Variants in RPF2 observed in about 807,000 individuals in gnomAD.
The protein encoded by RPF2 is ribosome production factor 2 homolog, also known as brix domain containing 1.
A neutral mutation model predicts 38.9 loss-of-function variants in RPF2; 21 were observed. The ratio of observed to expected loss-of-function variants is 0.54; its 90% CI spans 0.38 to 0.78. RPF2 has a LOEUF of 0.78. Ranked by LOEUF, RPF2 falls within the 30% of genes least tolerant of loss-of-function variation. The pLI, the probability that RPF2 is intolerant of heterozygous loss-of-function variation, is 0.00. For missense variants in RPF2, 314 were observed against 358.1 expected, an observed-to-expected ratio of 0.88 and a Z score of 0.99; for synonymous variants, 121 against 126.2, an observed-to-expected ratio of 0.96 and a Z score of 0.28.
chr6:110,998,152 G>C (rs1312792819), intron 5 of RPF2, among the ~76,000 whole-genome samples: 1 of 152,040 alleles, frequency 6.6e-6, no homozygotes, highest in Non-Finnish European at 1.5e-5. Flanking sequence ...TGATCCACCC[G>C]CCTTGGCCTC....
chr6:111,006,380 G>A (rs1158723574), intron 6 of RPF2, among the ~76,000 whole-genome samples: 4 of 151,576 alleles, frequency 2.6e-5, no homozygotes, highest in South Asian at 2.1e-4. Context: ...GACTACAGGC[G>A]TGTACCACCA....
At chr6:111,012,157 A>C (rs1583271661) in intron 7 of RPF2, among the ~76,000 whole-genome samples, 1 of 136,580 alleles carries the variant, frequency 7.3e-6, no homozygotes, top group Admixed American at 7.3e-5. Context: ...TAATTTGTTT[A>C]CATCATTTTT....
intron 7 of RPF2, 67 bp from the exon 8 acceptor site, chr6:111,015,687 A>C (rs1772095327): frequency 4.7e-6 from 5 of 1,063,056 alleles, no homozygotes; most frequent in Non-Finnish European, 7.3e-6. Context: ...TTTAGAGTGC[A>C]GTTCTTTGTA....
At chr6:111,016,009 T>C (rs906132727) in intron 8 of RPF2, among the ~76,000 whole-genome samples, 153 bp downstream of exon 8, 4 of 152,196 alleles carry the variant, frequency 2.6e-5, no homozygotes, top group African/African-American at 9.6e-5. Flanking sequence ...TCTGTGCTGA[T>C]CCTCAGTCCT....
intron 3 of RPF2, among the ~76,000 whole-genome samples, chr6:110,991,285 C>T (rs891433378): frequency 6.6e-6 from 1 of 151,244 alleles, no homozygotes; most frequent in African/African-American, 2.4e-5. Context: ...GTTCCTTTTT[C>T]TTTTTATTTC....
Position 111,027,035 on chromosome 6 carries a change from G to A in RPF2, c.*1453G>A, listed in dbSNP as rs113591694. On this transcript the variant is annotated 3_prime_UTR_variant, in exon 10 of 10. Transcript: ENST00000441448. ...TGGGATTACAGGCACCCACCACCAC[G>A]CCTGGCTGATTTTTTGTAGAGACAG... is the stretch of plus-strand genomic sequence containing the variant. 0.032 allele frequency: 4,918 copies of A among 152,170 alleles called. 111 individuals are homozygous for A. The highest frequency in any genetic ancestry group is 0.058 in the Middle Eastern group (17 of 294). 9.4% of individuals were successfully genotyped at this position (152,170 alleles called of 1,614,324 possible). A position where few individuals can be genotyped will look rare whatever the true frequency, so the allele number is the denominator to read the frequency against.
At position 111,015,846 on chromosome 6, in the gene RPF2, C is replaced by G; in HGVS notation, c.586C>G (p.Arg196Gly). The change falls in exon 8 of 10, where the codon CGA (arginine) becomes GGA (glycine). Residue 196 changes from arginine to glycine, a missense_variant. Physicochemically the swap from Arg to Gly is moderately radical, Grantham distance 125. Coordinates refer to ENST00000441448, the MANE Select transcript of RPF2 (RefSeq NM_032194.3). ...FTALNGKIYF[R>G]SYKLLLKKSG... ...TGCACTGAATGGGAAGATTTACTTT[C>G]GAAGCTATAAGTAAGTGCATTTCTT... The G allele has an allele frequency of 1.2e-6, 2 of 1,600,962 alleles. No homozygotes were observed. Among genetic ancestry groups the G allele is most frequent in the Non-Finnish European group, 1.7e-6 (2 of 1,168,146 alleles).
At chr6:111,002,243 G>A (rs374941139) in intron 6 of RPF2, among the ~76,000 whole-genome samples, 37 of 152,332 alleles carry the variant, frequency 2.4e-4, no homozygotes, top group African/African-American at 8.9e-4. Context: ...TCATGCCACT[G>A]CACTCCAGCC....
intron 3 of RPF2, among the ~76,000 whole-genome samples, chr6:110,991,390 G>A (rs1353104315): frequency 6.8e-6 from 1 of 146,680 alleles, no homozygotes; most frequent in African/African-American, 2.5e-5. Flanking sequence ...TGTGCTCGGC[G>A]CCCCCTGCTT....
At position 110,999,767 on chromosome 6, in the gene RPF2, G is replaced by C. The variant is rs564455332; in HGVS notation, c.373G>C (p.Val125Leu). The C allele has an allele frequency of 1.3e-6, 2 of 1,589,694 alleles. No homozygotes were observed. The highest frequency in any genetic ancestry group is 3.3e-5 in the Admixed American group (2 of 59,940). ...DMIELGIENFVSLKDIKNSKC... is the reference protein window; with the variant it reads ...DMIELGIENFLSLKDIKNSKC... The stretch of plus-strand genomic sequence containing the variant: ...GATTGAATTAGGTATTGAGAATTTT[G>C]TCTCTCTAAAAGACATTAAGGTAAG... Residue 125 changes from valine to leucine, a missense_variant, in exon 6 of 10, where the codon GTC (valine) becomes CTC (leucine). Transcript: ENST00000441448.
At chr6:111,003,086 C>A (rs1007912052) in intron 6 of RPF2, among the ~76,000 whole-genome samples, 4 of 145,652 alleles carry the variant, frequency 2.7e-5, no homozygotes, top group East Asian at 2.1e-4. Flanking sequence ...TTTACCCCCC[C>A]CCCTTTTTTT....
rs1207721666 is a variant in RPF2, at chr6:111,027,542, C to T, written c.*1960C>T. On this transcript the variant is annotated 3_prime_UTR_variant, in exon 10 of 10. Transcript: ENST00000441448. The stretch of plus-strand genomic sequence containing the variant: ...AGCAGTGGGTCCTCCTCACCAGCCG[C>T]TTACGGGACCCTGCCATGCCTGGAC... 6.6e-6 allele frequency: 1 copy of T among 152,226 alleles called. No individual in the cohort carries two copies. The highest frequency in any genetic ancestry group is 1.5e-5 in the Non-Finnish European group (1 of 68,066). The allele number at this position is 152,226 out of a possible 1,614,324, so 9.4% of individuals were successfully genotyped here.
At chr6:111,022,959 C>T (rs1316657184) in intron 8 of RPF2, among the ~76,000 whole-genome samples, 3 of 152,216 alleles carry the variant, frequency 2.0e-5, no homozygotes, top group Admixed American at 6.5e-5. Context: ...AGTGCAGTGG[C>T]GCGATCTCGG....
At chr6:110,991,134 CT>C (rs976089672) in intron 3 of RPF2, among the ~76,000 whole-genome samples, 3 of 151,962 alleles carry the variant, frequency 2.0e-5, no homozygotes, top group African/African-American at 4.8e-5. Context: ...CTCCTGTATC[CT>C]TTTTTTAAAA....
intron 7 of RPF2, among the ~76,000 whole-genome samples, chr6:111,011,888 G>T (rs1772021958): frequency 6.6e-6 from 1 of 152,126 alleles, no homozygotes. Context: ...AAACCAAAAA[G>T]GAATCTGGAC....
At chr6:110,999,248 TG>T (rs1481900305) in intron 5 of RPF2, among the ~76,000 whole-genome samples, 1 of 151,952 alleles carries the variant, frequency 6.6e-6, no homozygotes, top group South Asian at 2.1e-4. Flanking sequence ...CCATTGGAAT[TG>T]GGGGGGAAAA....
chr6:111,025,352 G>A, intron 9 of RPF2, 51 bp from the exon 10 acceptor site: 5 of 1,291,286 alleles, frequency 3.9e-6, no homozygotes, highest in Non-Finnish European at 5.5e-6. Context: ...GATTTTTACT[G>A]GCTCATTATA....
At chr6:111,015,977 G>GAAA in intron 8 of RPF2, 121 bp downstream of exon 8, 1 of 708,140 alleles carries the variant, frequency 1.4e-6, no homozygotes, top group Non-Finnish European at 2.5e-6. Context: ...TGGAGAGTTG[G>GAAA]CAGGATAGCA....
intron 6 of RPF2, among the ~76,000 whole-genome samples, chr6:111,004,395 G>A (rs1771872186): frequency 6.6e-6 from 1 of 151,312 alleles, no homozygotes; most frequent in African/African-American, 2.4e-5. Context: ...TGTTGGCCAG[G>A]CTAGTCTCAA....
Sources: gnomAD v4.1 joint callset for allele counts (sites outside exome capture counted in the v4.1 genomes callset) on GRCh38, gnomAD v4.1.1 for gene constraint, MANE v1.5 for transcripts, NCBI Gene and HGNC (gene_info 2026-07-23, HGNC 2026-07-21) for gene names.